CDKL4: variants seen among roughly 807,000 people sequenced by gnomAD.
CDKL4 encodes the protein cyclin dependent kinase like 4.
A neutral mutation model predicts 42.0 loss-of-function variants in CDKL4; 44 were observed. The observed-to-expected ratio is 1.05, with a 90% CI of 0.82 to 1.35. The LOEUF (loss-of-function observed/expected upper bound fraction) is 1.35. Ranked by LOEUF, CDKL4 falls within the 40% of genes most tolerant of loss-of-function variation. The probability of loss-of-function intolerance (pLI) is 0.00; values close to 1 mark genes in which losing one functional copy is unlikely to be tolerated. For missense variants in CDKL4, 393 were observed against 369.9 expected, an observed-to-expected ratio of 1.06 and a Z score of -0.51; for synonymous variants, 120 against 121.6, an observed-to-expected ratio of 0.99 and a Z score of 0.09.
chr2:39,227,258 T>G (rs909578519), intron 2 of CDKL4, among the ~76,000 whole-genome samples: 4 of 152,174 alleles, frequency 2.6e-5, no homozygotes, highest in African/African-American at 9.7e-5. Context: ...CTCTCTTCCA[T>G]TTACCCAGAA....
At chr2:39,226,445 TTATATATATATTATATATATTA>T (rs994951716) in intron 2 of CDKL4, among the ~76,000 whole-genome samples, 2 of 99,518 alleles carry the variant, frequency 2.0e-5, no homozygotes, top group African/African-American at 2.9e-5. Flanking sequence ...ATTATATATA[TTATATATATATTATATATATTA>T]TATATATATA....
At chr2:39,185,691 G>A (rs1226484664) in intron 7 of CDKL4, among the ~76,000 whole-genome samples, 3 of 151,356 alleles carry the variant, frequency 2.0e-5, no homozygotes, top group East Asian at 1.9e-4. Flanking sequence ...TCGATCTCCC[G>A]ACCTAGTGAT....
At chr2:39,182,751 T>A (rs1675511247) in intron 8 of CDKL4, among the ~76,000 whole-genome samples, 1 of 152,218 alleles carries the variant, frequency 6.6e-6, no homozygotes, top group Non-Finnish European at 1.5e-5. Context: ...AGTGATAGGA[T>A]CATCATGACT....
chr2:39,205,467 A>G (rs989570146), intron 4 of CDKL4, among the ~76,000 whole-genome samples: 20 of 152,146 alleles, frequency 1.3e-4, no homozygotes, highest in African/African-American at 4.6e-4. Flanking sequence ...CCAAGTGTGA[A>G]AGAGGGGCCT....
intron 2 of CDKL4, among the ~76,000 whole-genome samples, chr2:39,226,306 T>G (rs1678707849): frequency 1.3e-5 from 2 of 151,332 alleles, no homozygotes; most frequent in African/African-American, 4.8e-5. Context: ...TGGATTTAAA[T>G]CCAGTCTGGA....
At chr2:39,211,428 G>A (rs190107875) in intron 4 of CDKL4, among the ~76,000 whole-genome samples, 1 of 152,254 alleles carries the variant, frequency 6.6e-6, no homozygotes, top group East Asian at 1.9e-4. Context: ...GAGCCAACTT[G>A]AAGAAGCTCA....
intron 3 of CDKL4, among the ~76,000 whole-genome samples, chr2:39,216,856 A>G (rs1286646385): frequency 2.0e-5 from 3 of 152,182 alleles, no homozygotes; most frequent in African/African-American, 7.2e-5. Flanking sequence ...TAGGAAAGTA[A>G]TTTCATAGGA....
At chr2:39,243,703 G>A (rs2148417006) in intron 1 of CDKL4, among the ~76,000 whole-genome samples, 168 bp downstream of exon 1, 1 of 152,260 alleles carries the variant, frequency 6.6e-6, no homozygotes, top group Non-Finnish European at 1.5e-5. Context: ...CCTCGAATCC[G>A]CCCCTTCCCT....
chr2:39,207,870 G>A (rs1396970486), intron 4 of CDKL4, among the ~76,000 whole-genome samples: 1 of 152,186 alleles, frequency 6.6e-6, no homozygotes, highest in Non-Finnish European at 1.5e-5. Context: ...GGGAGGCTTA[G>A]GCAGGCAGAT....
intron 7 of CDKL4, among the ~76,000 whole-genome samples, chr2:39,184,858 C>A (rs990847196): frequency 6.6e-6 from 1 of 151,704 alleles, no homozygotes; most frequent in African/African-American, 2.4e-5. Flanking sequence ...CCTCAGCCTC[C>A]TAAGTATCTA....
intron 1 of CDKL4, among the ~76,000 whole-genome samples, chr2:39,234,558 C>A (rs568694642): frequency 2.6e-5 from 4 of 152,044 alleles, no homozygotes; most frequent in Non-Finnish European, 5.9e-5. Flanking sequence ...AAATAATAAT[C>A]CAATAAAATT....
At chr2:39,172,534 C>T (rs1337298115), downstream of CDKL4, among the ~76,000 whole-genome samples, 1 of 152,106 alleles carries the variant, frequency 6.6e-6, no homozygotes, top group East Asian at 1.9e-4. Context: ...GTGGCCTGGG[C>T]CACCCAGGGA....
intron 8 of CDKL4, among the ~76,000 whole-genome samples, chr2:39,183,805 A>G (rs1234360712): frequency 6.6e-6 from 1 of 152,120 alleles, no homozygotes; most frequent in African/African-American, 2.4e-5. Flanking sequence ...GTCTGAGAGC[A>G]CAGGGGTATC....
upstream of CDKL4, among the ~76,000 whole-genome samples, chr2:39,245,526 C>T (rs1240626548): frequency 6.6e-6 from 1 of 152,228 alleles, no homozygotes; most frequent in African/African-American, 2.4e-5. Flanking sequence ...CATACTTCCT[C>T]TTGGTGGGTA....
At chr2:39,182,419 T>G (rs1481070309) in intron 8 of CDKL4, among the ~76,000 whole-genome samples, 4 of 152,224 alleles carry the variant, frequency 2.6e-5, no homozygotes. Context: ...GCTCTCTCCA[T>G]GGAGTCTGAG....
chr2:39,246,154 AC>A (rs1334995106), upstream of CDKL4, among the ~76,000 whole-genome samples: 1 of 151,892 alleles, frequency 6.6e-6, no homozygotes, highest in African/African-American at 2.4e-5. Flanking sequence ...TAAACAGGTG[AC>A]TCTCTTCTCC....
intron 8 of CDKL4, among the ~76,000 whole-genome samples, chr2:39,183,906 C>G (rs1453289163): frequency 3.9e-5 from 6 of 152,164 alleles, no homozygotes; most frequent in Non-Finnish European, 1.5e-5. Flanking sequence ...AAAGGCTGGT[C>G]TACAAAAGTT....
upstream of CDKL4, among the ~76,000 whole-genome samples, chr2:39,245,269 T>A (rs1679863383): frequency 6.6e-6 from 1 of 150,942 alleles, no homozygotes; most frequent in South Asian, 2.1e-4. Flanking sequence ...ACACCACGAG[T>A]TCACCGGGAG....
At chr2:39,198,168 A>G (rs1304199194) in intron 5 of CDKL4, among the ~76,000 whole-genome samples, 3 of 152,062 alleles carry the variant, frequency 2.0e-5, no homozygotes, top group Non-Finnish European at 4.4e-5. Flanking sequence ...GTGGACACCA[A>G]AAGTGAGCAG....
Sources: allele counts gnomAD v4.1 joint callset (sites outside exome capture counted in the v4.1 genomes callset), GRCh38; gene constraint gnomAD v4.1.1; transcripts MANE v1.5; gene names NCBI Gene and HGNC (gene_info 2026-07-23, HGNC 2026-07-21).